Variants in TNKS observed in about 807,000 individuals in gnomAD.
TNKS encodes tankyrase.
In TNKS, 72 loss-of-function variants were observed where a neutral mutation model predicts 135.8. That is an observed-to-expected ratio of 0.53 (90% CI 0.44 to 0.64). The LOEUF (loss-of-function observed/expected upper bound fraction) is 0.64. Ranked by LOEUF, TNKS falls within the 30% of genes least tolerant of loss-of-function variation. The pLI is 0.00. For missense variants in TNKS, 1,769 were observed against 1,674.0 expected (o/e 1.06, Z -0.99); for synonymous variants, 849 against 649.3 (o/e 1.31, Z -4.68).
intron 17 of TNKS, among the ~76,000 whole-genome samples, chr8:9,747,436 G>C (rs1389999179): frequency 2.0e-5 from 3 of 152,056 alleles, no homozygotes; most frequent in African/African-American, 4.8e-5. Flanking sequence ...CAGGTTATTA[G>C]CATGTCTGCT....
intron 1 of TNKS, among the ~76,000 whole-genome samples, chr8:9,570,741 C>G (rs766977665): frequency 6.6e-5 from 10 of 152,186 alleles, no homozygotes; most frequent in Admixed American, 2.6e-4. Flanking sequence ...GGAACTGTGA[C>G]CACACATTGA....
chr8:9,774,057 T>C (rs1356581763), intron 26 of TNKS, among the ~76,000 whole-genome samples: 1 of 151,484 alleles, frequency 6.6e-6, no homozygotes, highest in African/African-American at 2.5e-5. Flanking sequence ...TTCTTGAAGA[T>C]TGAAAAGATA....
chr8:9,718,403 G>C (rs1419003382), intron 11 of TNKS, among the ~76,000 whole-genome samples: 1 of 152,112 alleles, frequency 6.6e-6, no homozygotes, highest in Non-Finnish European at 1.5e-5. Context: ...TAGGAGAAGT[G>C]GCCTCAGGAT....
At chr8:9,644,288 G>A (rs911706222) in intron 3 of TNKS, among the ~76,000 whole-genome samples, 1 of 152,164 alleles carries the variant, frequency 6.6e-6, no homozygotes, top group Non-Finnish European at 1.5e-5. Context: ...GGTAGTGGCT[G>A]AGGTGATGCC....
Position 9,660,011 on chromosome 8 carries a change from C to A in TNKS, c.995-19940C>A, listed in dbSNP as rs1267961810. Among the ~76,000 whole-genome samples, 7 of 152,176 alleles carry A rather than the reference C, an allele frequency of 4.6e-5. No homozygotes were observed. The East Asian group carries it at 1.3e-3, about 29-fold the overall frequency. ...GAAGAAATGGATAAATTCCTCGACA[C>A]ATACACCCTCCCAAGACTGAACCAG... On this transcript the variant is annotated intron_variant, in intron 3 of 26. Transcript: ENST00000310430.
chr8:9,584,462 G>T (rs1424569993), intron 2 of TNKS, among the ~76,000 whole-genome samples: 1 of 152,152 alleles, frequency 6.6e-6, no homozygotes, highest in African/African-American at 2.4e-5. Flanking sequence ...TTTTGCTTTA[G>T]TGTGGGCAGT....
At chr8:9,770,413 A>G in intron 26 of TNKS, 151 bp downstream of exon 26, 1 of 935,704 alleles carries the variant, frequency 1.1e-6, no homozygotes, top group South Asian at 2.0e-5. Context: ...AGGTATCAAA[A>G]TAATTCTTTG....
intron 3 of TNKS, among the ~76,000 whole-genome samples, chr8:9,678,231 C>T (rs1802628508): frequency 6.6e-6 from 1 of 152,000 alleles, no homozygotes; most frequent in African/African-American, 2.4e-5. Flanking sequence ...TACTTTGATC[C>T]TGGTTCTGTA....
At chr8:9,701,690 A>C (rs1167853161) in intron 5 of TNKS, among the ~76,000 whole-genome samples, 2 of 152,220 alleles carry the variant, frequency 1.3e-5, no homozygotes, top group East Asian at 3.9e-4. Context: ...AACAACTCCA[A>C]CTTACCGCCT....
At chr8:9,751,006 G>C (rs1314230894) in intron 18 of TNKS, among the ~76,000 whole-genome samples, 1 of 152,168 alleles carries the variant, frequency 6.6e-6, no homozygotes, top group East Asian at 1.9e-4. Flanking sequence ...GCCTCAGAAT[G>C]TCACTTCTTC....
intron 18 of TNKS, among the ~76,000 whole-genome samples, chr8:9,749,711 G>C (rs1585413789): frequency 6.6e-6 from 1 of 152,052 alleles, no homozygotes; most frequent in South Asian, 2.1e-4. Context: ...GAACTTCTGG[G>C]CTCCTCCCTC....
Position 9,766,237 on chromosome 8 carries a change from A to G in TNKS, c.3554-2A>G. On this transcript the variant is annotated splice_acceptor_variant, in intron 24 of 26. Transcript: ENST00000310430. LOFTEE classifies it high-confidence loss of function. ...CGAATCTTTCTGTCTTCGTATTTCT[A>G]GGTTCTCCTTTCATTAATGCCATTA... is the stretch of plus-strand genomic sequence containing the variant. 6.3e-7 allele frequency: 1 copy of G among 1,596,750 alleles called. No individual in the cohort carries two copies. The highest frequency in any genetic ancestry group is 8.6e-7 in the Non-Finnish European group (1 of 1,169,458).
chr8:9,558,303 C>T (rs1797173155), intron 1 of TNKS: 1 of 152,172 alleles, frequency 6.6e-6, no homozygotes, highest in African/African-American at 2.4e-5. Flanking sequence ...GATATACAGA[C>T]ACTACTTATT....
chr8:9,596,051 C>T (rs1251069117), intron 2 of TNKS, among the ~76,000 whole-genome samples: 1 of 152,092 alleles, frequency 6.6e-6, no homozygotes, highest in Non-Finnish European at 1.5e-5. Context: ...GTACAGGTTG[C>T]AGTGAGCCAT....
chr8:9,769,418 C>G (rs1807666965), intron 25 of TNKS, among the ~76,000 whole-genome samples: 1 of 152,164 alleles, frequency 6.6e-6, no homozygotes, highest in Non-Finnish European at 1.5e-5. Flanking sequence ...TCATGATCCA[C>G]TTTTATTATT....
intron 5 of TNKS, among the ~76,000 whole-genome samples, chr8:9,693,723 G>A (rs1220339619): frequency 6.6e-6 from 1 of 152,130 alleles, no homozygotes; most frequent in African/African-American, 2.4e-5. Context: ...GTTCAGAGAG[G>A]TAGTACTTAA....
At chr8:9,693,620 C>T (rs1008582771) in intron 5 of TNKS, among the ~76,000 whole-genome samples, 15 of 151,920 alleles carry the variant, frequency 9.9e-5, no homozygotes, top group African/African-American at 3.4e-4. Flanking sequence ...TGAGAAAATA[C>T]ATATACAATA....
chr8:9,690,259 T>G (rs1803202499), intron 5 of TNKS, among the ~76,000 whole-genome samples: 1 of 152,188 alleles, frequency 6.6e-6, no homozygotes, highest in Non-Finnish European at 1.5e-5. Flanking sequence ...AAACACAAAT[T>G]GCTGGCCGCT....
intron 2 of TNKS, among the ~76,000 whole-genome samples, chr8:9,584,983 C>G (rs75707609): frequency 2.0e-5 from 3 of 152,002 alleles, no homozygotes; most frequent in East Asian, 1.9e-4. Flanking sequence ...AAATAACAGC[C>G]CATCTCAGCC....
Sources: allele counts gnomAD v4.1 joint callset (sites outside exome capture counted in the v4.1 genomes callset), GRCh38; gene constraint gnomAD v4.1.1; transcripts MANE v1.5; gene names NCBI Gene and HGNC (gene_info 2026-07-23, HGNC 2026-07-21).